The following CYB5R2 variants were observed in gnomAD, a reference collection of about 807,000 sequenced individuals.
CYB5R2 encodes the protein NADH-cytochrome b5 reductase 2.
CYB5R2 carries 35 observed loss-of-function variants against 29.8 expected under a neutral mutation model. The observed-to-expected ratio is 1.17, with a 90% CI of 0.90 to 1.56. The LOEUF is 1.56. Ranked by LOEUF, CYB5R2 falls within the 40% of genes most tolerant of loss-of-function variation. The probability of loss-of-function intolerance (pLI) is 0.00; values close to 1 mark genes in which losing one functional copy is unlikely to be tolerated. For missense variants in CYB5R2, 419 were observed against 346.7 expected, an observed-to-expected ratio of 1.21 and a Z score of -1.66; for synonymous variants, 169 against 130.6, an observed-to-expected ratio of 1.29 and a Z score of -2.01.
At chr11:7,673,327 T>C in intron 1 of CYB5R2, 92 bp downstream of exon 1, 1 of 1,015,462 alleles carries the variant, frequency 9.8e-7, no homozygotes, top group South Asian at 3.8e-5. Context: ...ACTTAGGGCC[T>C]GGGGACTCCC....
At chr11:7,673,993 T>C, upstream of CYB5R2, 3 of 1,140,174 alleles carry the variant, frequency 2.6e-6, no homozygotes, top group Non-Finnish European at 3.3e-6. Flanking sequence ...AGGGCAGCGC[T>C]CCATCATGAG....
At chr11:7,669,146 G>C in intron 5 of CYB5R2, 59 bp downstream of exon 5, 1 of 1,605,714 alleles carries the variant, frequency 6.2e-7, no homozygotes, top group Non-Finnish European at 8.5e-7. Flanking sequence ...CGAGAACAAT[G>C]GAACCATTGC....
In CYB5R2 at chr11:7,669,133, G is replaced by A. The variant is rs749461764; in HGVS notation, c.388+72C>T. 333 of 1,578,042 alleles carry A rather than the reference G, an allele frequency of 2.1e-4. 3 individuals carry two copies. The highest frequency in any genetic ancestry group is 3.2e-5 in the Non-Finnish European group (37 of 1,147,484). ...CCCATGTGACTCAAATCTGAGGAGT[G>A]TACGAGAACAATGGAACCATTGCAG... is the stretch of plus-strand genomic sequence containing the variant. On this transcript the variant is annotated intron_variant, in intron 5 of 8. Coordinates refer to ENST00000299498, the MANE Select transcript of CYB5R2 (RefSeq NM_016229.5).
At position 7,667,736 on chromosome 11, in the gene CYB5R2, C is replaced by T; in HGVS notation, c.550G>A (p.Ala184Thr). The T allele has an allele frequency of 6.2e-7, 1 of 1,614,018 alleles. No individual in the cohort carries two copies. Among genetic ancestry groups the T allele is most frequent in the Non-Finnish European group, 8.5e-7 (1 of 1,179,880 alleles). ...SDRTRMSLIF[A>T]NQTEEDILVR... is the part of the protein sequence containing the mutation. ...GCTCAGCAGGAACTGACCTGGTTGG[C>T]AAAGATGAGGGACATCCTGGTCCTG... is the stretch of plus-strand genomic sequence containing the variant. Residue 184 changes from alanine to threonine, a missense_variant, in exon 7 of 9, where the codon GCC (alanine) becomes ACC (threonine). Physicochemically the swap from Ala to Thr is moderately conservative, Grantham distance 58. Transcript: ENST00000299498.
In CYB5R2 at chr11:7,666,541, C is replaced by T. The variant is rs1224968634; in HGVS notation, c.568G>A (p.Asp190Asn). 1.9e-6 allele frequency: 3 copies of T among 1,612,744 alleles called. No individual in the cohort carries two copies. The highest frequency in any genetic ancestry group is 2.2e-5 in the South Asian group (2 of 91,030). The change falls in exon 8 of 9, where the codon GAT becomes AAT. Residue 190 changes from aspartate (D) to asparagine (N), a missense_variant. Physicochemically the swap from Asp to Asn is conservative, Grantham distance 23. Coordinates refer to ENST00000299498, the MANE Select transcript of CYB5R2 (RefSeq NM_016229.5). The part of the protein sequence containing the change: ...SLIFANQTEE[D>N]ILVRKELEEI... ...TCAAGCTCTTTTCTGACCAAGATAT[C>T]CTCCTCTGTCTAGAAAAGAAGCAAC...
At position 7,672,772 on chromosome 11, in the gene CYB5R2, G is replaced by A. The variant is rs774804725; in HGVS notation, c.54C>T (p.Tyr18=). 3 of 1,614,176 alleles carry A rather than the reference G, an allele frequency of 1.9e-6. No homozygotes were observed. The highest frequency in any genetic ancestry group is 2.5e-6 in the Non-Finnish European group (3 of 1,180,030). Residue 18 remains tyrosine, a synonymous_variant, in exon 2 of 9, where the codon TAC becomes TAT. Transcript: ENST00000299498. The part of the protein sequence containing the change: ...PITLQDPEAK[Y]PLPLIEKEKI... Reference sequence around the variant, plus strand: ...CCTCTTTCTCAATCAAGGGCAGCGGGTACTTGGCTTCAGGGTCCTGTAAGG... The same window carrying A: ...CCTCTTTCTCAATCAAGGGCAGCGGATACTTGGCTTCAGGGTCCTGTAAGG...
At chr11:7,667,639 A>G in intron 7 of CYB5R2, 89 bp downstream of exon 7, 8 of 1,254,658 alleles carry the variant, frequency 6.4e-6, no homozygotes, top group Non-Finnish European at 9.4e-6. Flanking sequence ...CCCAAGCAGC[A>G]TGAGCTCAGT....
At chr11:7,672,188 T>G in intron 3 of CYB5R2, 2 of 439,694 alleles carry the variant, frequency 4.5e-6, no homozygotes, top group Non-Finnish European at 8.1e-6. Flanking sequence ...TTCCATGAGA[T>G]TTTAGGCCTT....
In CYB5R2 at chr11:7,673,412, T is replaced by C. The variant is rs1312753316; in HGVS notation, c.-67+7A>G. On this transcript the variant is annotated splice_region_variant and intron_variant, in intron 1 of 8. Transcript: ENST00000299498. Reference sequence around the variant, plus strand: ...AGACTCGGGAGCCTCCCCGCATCTGTCCCTACCCTACAAGGCCGCCCTGCT... The same window carrying C: ...AGACTCGGGAGCCTCCCCGCATCTGCCCCTACCCTACAAGGCCGCCCTGCT... 1 of 994,140 alleles carries C rather than the reference T, an allele frequency of 1.0e-6. No homozygotes were observed. 61.6% of individuals were successfully genotyped at this position (994,140 alleles called of 1,614,324 possible).
At chr11:7,669,599 A>C (rs768193003) in intron 4 of CYB5R2, 26 bp downstream of exon 4, 1 of 1,533,522 alleles carries the variant, frequency 6.5e-7, no homozygotes, top group Non-Finnish European at 8.8e-7. Context: ...AGCACGAGCT[A>C]GCCAGATATG....
At chr11:7,671,930 C>T (rs1855765704) in intron 3 of CYB5R2, 1 of 154,184 alleles carries the variant, frequency 6.5e-6, no homozygotes, top group South Asian at 2.0e-4. Flanking sequence ...TCTAAGTGAC[C>T]TTGGGGGCAG....
intron 8 of CYB5R2, chr11:7,665,836 T>C: frequency 6.5e-7 from 1 of 1,535,010 alleles, no homozygotes; most frequent in South Asian, 1.2e-5. Flanking sequence ...CCGAGGTGTG[T>C]GAATCAGTAC....
rs763019913 is a variant in CYB5R2 at position 7,669,355 on chromosome 11, G to A, written c.259-21C>T. On this transcript the variant is annotated intron_variant, in intron 4 of 8. Transcript: ENST00000299498. The stretch of plus-strand genomic sequence containing the variant: ...TAGATCTGAAAAGCAAGGCAGCACT[G>A]CTTTCACATTCCCAGACACAATGCC... 3.1e-6 allele frequency: 5 copies of A among 1,597,872 alleles called. No individual in the cohort carries two copies. The Admixed American group carries it at 6.8e-5, about 22-fold the overall frequency.
In CYB5R2 at chr11:7,667,904, C is replaced by T. The variant is rs1855424393; in HGVS notation, c.473-91G>A. The stretch of plus-strand genomic sequence containing the variant: ...AGCAAGCTTCATACCTTCCCCCAGC[C>T]CAAGTTATCCTTTTCTCACTTCTGT... On this transcript the variant is annotated intron_variant, in intron 6 of 8. Transcript: ENST00000299498. 4.9e-6 allele frequency: 5 copies of T among 1,024,480 alleles called. No individual in the cohort carries two copies. In the South Asian group the frequency reaches 5.1e-5, roughly 11 times the overall value. The allele number at this position is 1,024,480 out of a possible 1,614,324, so 63.5% of individuals were successfully genotyped here.
intron 8 of CYB5R2, chr11:7,665,942 G>T: frequency 6.5e-7 from 1 of 1,534,786 alleles, no homozygotes; most frequent in Non-Finnish European, 8.7e-7. Context: ...CCAGGGACCT[G>T]TATGACAAGC....
intron 7 of CYB5R2, chr11:7,666,874 A>G (rs1383748324): frequency 3.9e-6 from 1 of 255,798 alleles, no homozygotes; most frequent in Non-Finnish European, 7.7e-6. Flanking sequence ...CCTGCCTCCT[A>G]CATCTACACT....
In CYB5R2 at chr11:7,665,410, C is replaced by T. The variant is rs1353294088; in HGVS notation, c.795G>A (p.Lys265=). 6.2e-7 allele frequency: 1 copy of T among 1,605,086 alleles called. No individual in the cohort carries two copies. The highest frequency in any genetic ancestry group is 8.5e-7 in the Non-Finnish European group (1 of 1,176,600). The change falls in exon 9 of 9, where the codon AAG becomes AAA. Residue 265 remains lysine, a synonymous_variant. Coordinates refer to ENST00000299498, the MANE Select transcript of CYB5R2 (RefSeq NM_016229.5). The stretch of plus-strand genomic sequence containing the variant: ...AAATCATGTCCTGGGTATAACCCAG[C>T]TTCTCCAGGTTAGGGTGAGCCGCCG... The part of the protein sequence containing the change: ...IQTAAHPNLE[K]LGYTQDMIFT...
In CYB5R2 at chr11:7,666,447, G is replaced by A. The variant is rs78755647; in HGVS notation, c.658+4C>T. 3,192 of 1,597,156 alleles carry A rather than the reference G, an allele frequency of 2.0e-3. 61 individuals carry two copies. The African/African-American group carries it at 0.039, about 19-fold the overall frequency. On this transcript the variant is annotated splice_donor_region_variant and intron_variant, in intron 8 of 8. Transcript: ENST00000299498. ...ATGGTGAGTGAGGGCAATGGATGTC[G>A]TACCAATGGGAGGCCTGTCCAGGGT...
intron 8 of CYB5R2, 39 bp downstream of exon 8, chr11:7,666,412 G>T: frequency 7.4e-7 from 1 of 1,351,200 alleles, no homozygotes; most frequent in East Asian, 2.3e-5. Context: ...TCAAGGGTTG[G>T]TGCTGACCCA....
Sources: gnomAD v4.1 joint callset for allele counts on GRCh38, gnomAD v4.1.1 for gene constraint, MANE v1.5 for transcripts, NCBI Gene and HGNC (gene_info 2026-07-23, HGNC 2026-07-21) for gene names.